TIGD5: variants seen among roughly 807,000 people sequenced by gnomAD.
TIGD5 encodes tigger transposable element-derived protein 5.
Under a neutral mutation model 28.8 loss-of-function variants are expected in TIGD5, and 24 were observed. The ratio of observed to expected loss-of-function variants is 0.83; its 90% CI spans 0.60 to 1.17. The LOEUF is 1.17. Among genes scored for constraint, TIGD5 ranks in the 50% most tolerant of loss-of-function variants. TIGD5 has a pLI of 0.00. For synonymous variants in TIGD5, 538 were observed against 430.5 expected, an observed-to-expected ratio of 1.25 and a Z score of -3.09; for missense variants, 922 against 911.4, an observed-to-expected ratio of 1.01 and a Z score of -0.15.
Position 143,598,820 on chromosome 8 carries a change from A to T in TIGD5, c.917A>T (p.His306Leu). The T allele has an allele frequency of 3.1e-6, 5 of 1,601,064 alleles. No individual in the cohort carries two copies. Among genetic ancestry groups the T allele is most frequent in the Non-Finnish European group, 4.2e-6 (5 of 1,179,546 alleles). ...CCGGACCCGCCCAGCCTGCGCCACC[A>T]CAACCAGGACAAGTTCCCGGCCTCC... ...RLPDPPSLRH[H>L]NQDKFPASYR... The change falls in exon 1 of 1, where the codon CAC (histidine) becomes CTC (leucine). Residue 306 changes from histidine (H) to leucine (L), a missense_variant. By Grantham distance (99) the His-to-Leu change is moderately conservative. This residue lies in a region of TIGD5 where 821 missense variants were observed against 815.2 expected (regional missense o/e 1.01). Transcript: ENST00000504548. The surrounding 1 kb of genome is among the most constrained non-coding windows in gnomAD (Gnocchi z 6.6).
rs748737260 is a variant in TIGD5, at chr8:143,598,394, C to T, written c.491C>T (p.Thr164Ile). ...CGCCAGATCTACGGGCCCGAGTGCA[C>T]CTTCAAGGCCAGCCACGGCTGGTTC... The part of the protein sequence containing the change: ...FARQIYGPEC[T>I]FKASHGWFWR... The change falls in exon 1 of 1, where the codon ACC (threonine) becomes ATC (isoleucine). Residue 164 changes from threonine (T) to isoleucine (I), a missense_variant. Physicochemically the swap from Thr to Ile is moderately conservative, Grantham distance 89. Coordinates refer to ENST00000504548, the MANE Select transcript of TIGD5 (RefSeq NM_032862.5). The surrounding 1 kb of genome is among the most constrained non-coding windows in gnomAD (Gnocchi z 6.6). 2.6e-6 allele frequency: 4 copies of T among 1,542,622 alleles called. No individual in the cohort carries two copies. The South Asian group carries it at 4.7e-5, about 18-fold the overall frequency.
chr8:143,602,064 CCAGTCTGCGCGA>C lies in TIGD5; in HGVS notation c.*2236_*2247del, dbSNP rs1011246245. ...TGAGCCAAGATCACAACACCGCGCT[CCAGTCTGCGCGA>C]CAGAGCGAGACTCTGTCTCAAAAAA... On this transcript the variant is annotated 3_prime_UTR_variant, in exon 1 of 1. Coordinates refer to ENST00000504548, the MANE Select transcript of TIGD5 (RefSeq NM_032862.5). The C allele has an allele frequency of 1.2e-4, 18 of 144,024 alleles. No individual in the cohort carries two copies. Among genetic ancestry groups the C allele is most frequent in the African/African-American group, 4.1e-4 (16 of 39,238 alleles). 8.9% of individuals were successfully genotyped at this position (144,024 alleles called of 1,614,324 possible). A position where few individuals can be genotyped will look rare whatever the true frequency, so the allele number is the denominator to read the frequency against.
At position 143,599,130 on chromosome 8, in the gene TIGD5, C is replaced by A; in HGVS notation, c.1227C>A (p.Ser409Arg). 2 of 1,593,448 alleles carry A rather than the reference C, an allele frequency of 1.3e-6. No homozygotes were observed. The highest frequency in any genetic ancestry group is 1.7e-6 in the Non-Finnish European group (2 of 1,171,138). The change falls in exon 1 of 1, where the codon AGC becomes AGA. Residue 409 changes from serine (S) to arginine (R), a missense_variant. Ser to Arg is a moderately radical substitution (Grantham distance 110). This residue lies in a region of TIGD5 where 821 missense variants were observed against 815.2 expected (regional missense o/e 1.01). Transcript: ENST00000504548. ...VRVLFLSKGS[S>R]RAHIPAPLEQ... ...TGCTGTTCCTGTCCAAAGGCAGCAG[C>A]CGGGCACATATCCCCGCACCGCTGG...
At position 143,599,784 on chromosome 8, in the gene TIGD5, G is replaced by A; in HGVS notation, c.1881G>A (p.Arg627=). 1 of 1,485,678 alleles carries A rather than the reference G, an allele frequency of 6.7e-7. No individual in the cohort carries two copies. The highest frequency in any genetic ancestry group is 8.9e-7 in the Non-Finnish European group (1 of 1,126,762). 92.0% of individuals were successfully genotyped at this position (1,485,678 alleles called of 1,614,324 possible). The change falls in exon 1 of 1, where the codon AGG becomes AGA. Residue 627 remains arginine, a synonymous_variant. Coordinates refer to ENST00000504548, the MANE Select transcript of TIGD5 (RefSeq NM_032862.5). ...GCTCACTCATCAGCATGGCCCGGAG[G>A]CTGGGGGGCATCGGGCATACCCCAG... is the stretch of plus-strand genomic sequence containing the variant. ...QLRSLISMAR[R]LGGIGHTPAG... is the part of the protein sequence containing the mutation.
chr8:143,598,777 C>T lies in TIGD5; in HGVS notation c.874C>T (p.Leu292=), dbSNP rs1369135032. 6.3e-7 allele frequency: 1 copy of T among 1,596,300 alleles called. No homozygotes were observed. The highest frequency in any genetic ancestry group is 8.5e-7 in the Non-Finnish European group (1 of 1,177,870). ...GACCGGCAGCCACAAGCTGAAGCCG[C>T]TGGTCATCGGGCGGCTGCCGGACCC... is the stretch of plus-strand genomic sequence containing the variant. The part of the protein sequence containing the change: ...NLTGSHKLKP[L]VIGRLPDPPS... The change falls in exon 1 of 1, where the codon CTG becomes TTG. Residue 292 remains leucine, a synonymous_variant. Transcript: ENST00000504548. This position sits in a 1 kb window ranked among gnomAD's most constrained non-coding sequence, Gnocchi z 6.6.
Position 143,603,114 on chromosome 8 carries a change from T to C in TIGD5, c.*3282T>C, listed in dbSNP as rs1829295803. On this transcript the variant is annotated 3_prime_UTR_variant, in exon 1 of 1. Transcript: ENST00000504548. ...TCCCTAGGCTTGTGGGGTCATGCTC[T>C]GTTGAGGGCCCTTCCTCTAACTGGC... 6.6e-6 allele frequency: 1 copy of C among 152,230 alleles called. No individual in the cohort carries two copies. Among genetic ancestry groups the C allele is most frequent in the Non-Finnish European group, 1.5e-5 (1 of 68,050 alleles). The allele number at this position is 152,230 out of a possible 1,614,324, so 9.4% of individuals were successfully genotyped here.
rs1829198669 is a variant in TIGD5, at chr8:143,599,162, G to A, written c.1259G>A (p.Gly420Asp). The change falls in exon 1 of 1, where the codon GGC (glycine) becomes GAC (aspartate). Residue 420 changes from glycine (G) to aspartate (D), a missense_variant. By Grantham distance (94) the Gly-to-Asp change is moderately conservative. Coordinates refer to ENST00000504548, the MANE Select transcript of TIGD5 (RefSeq NM_032862.5). ...CATATCCCCGCACCGCTGGAGCAGG[G>A]CGTGGTGGCCGCCTTCAAACAGCTG... ...RAHIPAPLEQ[G>D]VVAAFKQLYK... 1 of 1,607,188 alleles carries A rather than the reference G, an allele frequency of 6.2e-7. No individual in the cohort carries two copies. Among genetic ancestry groups the A allele is most frequent in the Admixed American group, 1.7e-5 (1 of 59,558 alleles).
In TIGD5 at chr8:143,598,934, T is replaced by C; in HGVS notation, c.1031T>C (p.Leu344Pro). Residue 344 changes from leucine (L) to proline (P), a missense_variant, in exon 1 of 1, where the codon CTG (leucine) becomes CCG (proline). Physicochemically the swap from Leu to Pro is moderately conservative, Grantham distance 98 (BLOSUM62 -3). Coordinates refer to ENST00000504548, the MANE Select transcript of TIGD5 (RefSeq NM_032862.5). This position sits in a 1 kb window ranked among gnomAD's most constrained non-coding sequence, Gnocchi z 6.6. ...TTTGTCCCAGGCGTCAAACGCTACCTGCGCCGAAGCTGCCTGCAGCAGAAG... is the reference window on the plus strand; with the variant it reads ...TTTGTCCCAGGCGTCAAACGCTACCCGCGCCGAAGCTGCCTGCAGCAGAAG... ...EEFVPGVKRY[L>P]RRSCLQQKAV... The C allele has an allele frequency of 1.9e-6, 3 of 1,591,002 alleles. No individual in the cohort carries two copies. Among genetic ancestry groups the C allele is most frequent in the Non-Finnish European group, 2.5e-6 (3 of 1,176,526 alleles).
chr8:143,599,141 T>A lies in TIGD5; in HGVS notation c.1238T>A (p.Ile413Asn), dbSNP rs190137740. Residue 413 changes from isoleucine (I) to asparagine (N), a missense_variant, in exon 1 of 1, where the codon ATC (isoleucine) becomes AAC (asparagine). Ile to Asn is a moderately radical substitution (Grantham distance 149, BLOSUM62 -3). This residue lies in a region of TIGD5 where 821 missense variants were observed against 815.2 expected (regional missense o/e 1.01). Coordinates refer to ENST00000504548, the MANE Select transcript of TIGD5 (RefSeq NM_032862.5). Reference sequence around the variant, plus strand: ...TCCAAAGGCAGCAGCCGGGCACATATCCCCGCACCGCTGGAGCAGGGCGTG... The same window carrying A: ...TCCAAAGGCAGCAGCCGGGCACATAACCCCGCACCGCTGGAGCAGGGCGTG... ...FLSKGSSRAH[I>N]PAPLEQGVVA... is the part of the protein sequence containing the mutation. 21 of 1,598,910 alleles carry A rather than the reference T, an allele frequency of 1.3e-5. No homozygotes were observed. Among genetic ancestry groups the A allele is most frequent in the African/African-American group, 2.7e-5 (2 of 74,788 alleles).
In TIGD5 at chr8:143,598,154, C is replaced by A. The variant is rs745942263; in HGVS notation, c.251C>A (p.Pro84Gln). ...AGTGTGTGCCGCGACTTCGGCGTGC[C>A]GGGCGGGACGCTGCGCGGCTGGCTC... is the stretch of plus-strand genomic sequence containing the variant. ...QASVCRDFGV[P>Q]GGTLRGWLKD... Residue 84 changes from proline (P) to glutamine (Q), a missense_variant, in exon 1 of 1, where the codon CCG (proline) becomes CAG (glutamine). Pro to Gln is a moderately conservative substitution (Grantham distance 76). This residue lies in a region of TIGD5 where 821 missense variants were observed against 815.2 expected (regional missense o/e 1.01). Coordinates refer to ENST00000504548, the MANE Select transcript of TIGD5 (RefSeq NM_032862.5). This position sits in a 1 kb window ranked among gnomAD's most constrained non-coding sequence, Gnocchi z 6.6. 1.3e-6 allele frequency: 2 copies of A among 1,593,960 alleles called. No homozygotes were observed. The highest frequency in any genetic ancestry group is 1.7e-6 in the Non-Finnish European group (2 of 1,171,688).
At position 143,600,620 on chromosome 8, in the gene TIGD5, T is replaced by C. The variant is rs976723416; in HGVS notation, c.*788T>C. 1.3e-5 allele frequency: 2 copies of C among 152,166 alleles called. No individual in the cohort carries two copies. Among genetic ancestry groups the C allele is most frequent in the Admixed American group, 1.3e-4 (2 of 15,282 alleles). The allele number at this position is 152,166 out of a possible 1,614,324, so 9.4% of individuals were successfully genotyped here. A position where few individuals can be genotyped will look rare whatever the true frequency, so the allele number is the denominator to read the frequency against. ...CTGCTTCCTCATCAGCCACAGACCA[T>C]TCTGTCCAGTCCCAGGGCCTGGAGC... On this transcript the variant is annotated 3_prime_UTR_variant, in exon 1 of 1. Transcript: ENST00000504548.
At position 143,597,858 on chromosome 8, in the gene TIGD5, T is replaced by C; in HGVS notation, c.-46T>C. The C allele has an allele frequency of 1.8e-6, 1 of 540,550 alleles. No individual in the cohort carries two copies. The highest frequency in any genetic ancestry group is 2.3e-6 in the Non-Finnish European group (1 of 431,342). The allele number at this position is 540,550 out of a possible 1,614,324, so 33.5% of individuals were successfully genotyped here. On this transcript the variant is annotated 5_prime_UTR_variant, in exon 1 of 1. Coordinates refer to ENST00000504548, the MANE Select transcript of TIGD5 (RefSeq NM_032862.5). The stretch of plus-strand genomic sequence containing the variant: ...GTGCCCCGCCCCGAGCGGCTGGGCG[T>C]GTGGCTCCCGCGACCCGCGCGGCCC...
chr8:143,599,223 C>T lies in TIGD5; in HGVS notation c.1320C>T (p.Cys440=). The T allele has an allele frequency of 6.2e-7, 1 of 1,611,560 alleles. No homozygotes were observed. Among genetic ancestry groups the T allele is most frequent in the Non-Finnish European group, 8.5e-7 (1 of 1,179,688 alleles). The change falls in exon 1 of 1, where the codon TGC becomes TGT. Residue 440 remains cysteine (C), a synonymous_variant. Coordinates refer to ENST00000504548, the MANE Select transcript of TIGD5 (RefSeq NM_032862.5). Reference sequence around the variant, plus strand: ...AGCTGCTGCGACTGGCTGTGTCCTGCGCCAGCGGCTCCCCGCTGGACTTCA... The same window carrying T: ...AGCTGCTGCGACTGGCTGTGTCCTGTGCCAGCGGCTCCCCGCTGGACTTCA... ...KRELLRLAVS[C]ASGSPLDFMR...
Position 143,599,251 on chromosome 8 carries a change from C to A in TIGD5, c.1348C>A (p.Arg450Ser). The change falls in exon 1 of 1, where the codon CGC (arginine) becomes AGC (serine). Residue 450 changes from arginine to serine, a missense_variant. Coordinates refer to ENST00000504548, the MANE Select transcript of TIGD5 (RefSeq NM_032862.5). Reference sequence around the variant, plus strand: ...CAGCGGCTCCCCGCTGGACTTCATGCGCAGCTTCATGCTCAAGGACATGCT... The same window carrying A: ...CAGCGGCTCCCCGCTGGACTTCATGAGCAGCTTCATGCTCAAGGACATGCT... ...CASGSPLDFM[R>S]SFMLKDMLYL... 6.2e-7 allele frequency: 1 copy of A among 1,611,548 alleles called. No homozygotes were observed. The highest frequency in any genetic ancestry group is 8.5e-7 in the Non-Finnish European group (1 of 1,179,600).
Position 143,598,489 on chromosome 8 carries a change from A to AGCCCCGC in TIGD5, c.591_597dup (p.Gly200ArgfsTer137). ...CGGCGAGGCCGGGCCCCCAGCCCCG[A>AGCCCCGC]GCCCCGCGCCCGGCCCGCCCGTCAA... On this transcript the variant is annotated frameshift_variant, in exon 1 of 1. Coordinates refer to ENST00000504548, the MANE Select transcript of TIGD5 (RefSeq NM_032862.5). LOFTEE classifies it high-confidence loss of function. The surrounding 1 kb of genome is among the most constrained non-coding windows in gnomAD (Gnocchi z 6.6). 9.4e-6 allele frequency: 13 copies of AGCCCCGC among 1,383,994 alleles called. No individual in the cohort carries two copies. The highest frequency in any genetic ancestry group is 1.1e-5 in the Non-Finnish European group (12 of 1,074,828). The allele number at this position is 1,383,994 out of a possible 1,614,324, so 85.7% of individuals were successfully genotyped here.
rs767740384 is a variant in TIGD5 at position 143,601,214 on chromosome 8, AATATATAC to A, written c.*1390_*1397del. 3.3e-5 allele frequency: 5 copies of A among 152,294 alleles called. 1 individual carries two copies. The South Asian group carries it at 1.0e-3, about 32-fold the overall frequency. The allele number at this position is 152,294 out of a possible 1,614,324, so 9.4% of individuals were successfully genotyped here. A position where few individuals can be genotyped will look rare whatever the true frequency, so the allele number is the denominator to read the frequency against. Reference sequence around the variant, plus strand: ...CCTTGGAACTGCCCGCAAGTGAAGAAATATATACATATATATGTATATATCTATATCTC... The same window carrying A: ...CCTTGGAACTGCCCGCAAGTGAAGAAATATATATGTATATATCTATATCTC... On this transcript the variant is annotated 3_prime_UTR_variant, in exon 1 of 1. Coordinates refer to ENST00000504548, the MANE Select transcript of TIGD5 (RefSeq NM_032862.5).
In TIGD5 at chr8:143,599,142, C is replaced by G. The variant is rs1829196930; in HGVS notation, c.1239C>G (p.Ile413Met). ...CCAAAGGCAGCAGCCGGGCACATATCCCCGCACCGCTGGAGCAGGGCGTGG... is the reference window on the plus strand; with the variant it reads ...CCAAAGGCAGCAGCCGGGCACATATGCCCGCACCGCTGGAGCAGGGCGTGG... Reference protein sequence around the residue: ...FLSKGSSRAHIPAPLEQGVVA... With the variant: ...FLSKGSSRAHMPAPLEQGVVA... The change falls in exon 1 of 1, where the codon ATC (isoleucine) becomes ATG (methionine). Residue 413 changes from isoleucine to methionine, a missense_variant. Physicochemically the swap from Ile to Met is conservative, Grantham distance 10. This residue lies in a region of TIGD5 where 821 missense variants were observed against 815.2 expected (regional missense o/e 1.01). Transcript: ENST00000504548. 1 of 1,599,074 alleles carries G rather than the reference C, an allele frequency of 6.3e-7. No homozygotes were observed. Among genetic ancestry groups the G allele is most frequent in the Non-Finnish European group, 8.5e-7 (1 of 1,173,896 alleles).
In TIGD5 at chr8:143,599,480, C is replaced by T. The variant is rs530101458; in HGVS notation, c.1577C>T (p.Pro526Leu). The T allele has an allele frequency of 1.3e-6, 2 of 1,592,124 alleles. No individual in the cohort carries two copies. The highest frequency in any genetic ancestry group is 2.3e-5 in the East Asian group (1 of 43,804). ...LAALAYKCLAPEEVAEWLHLD... is the reference protein window; with the variant it reads ...LAALAYKCLALEEVAEWLHLD... ...GCTCTGGCCTACAAGTGCCTGGCTC[C>T]GGAGGAGGTTGCGGAGTGGCTGCAC... The change falls in exon 1 of 1, where the codon CCG becomes CTG. Residue 526 changes from proline (P) to leucine (L), a missense_variant. Coordinates refer to ENST00000504548, the MANE Select transcript of TIGD5 (RefSeq NM_032862.5).
rs761287413 is a variant in TIGD5, at chr8:143,599,175, C to T, written c.1272C>T (p.Ala424=). 5 of 1,609,846 alleles carry T rather than the reference C, an allele frequency of 3.1e-6. No individual in the cohort carries two copies. Among genetic ancestry groups the T allele is most frequent in the Non-Finnish European group, 3.4e-6 (4 of 1,179,102 alleles). Residue 424 remains alanine, a synonymous_variant, in exon 1 of 1, where the codon GCC becomes GCT. Transcript: ENST00000504548. The part of the protein sequence containing the change: ...PAPLEQGVVA[A]FKQLYKRELL... ...CGCTGGAGCAGGGCGTGGTGGCCGC[C>T]TTCAAACAGCTGTACAAGCGCGAGC...
Sources: allele counts gnomAD v4.1 joint callset, GRCh38; gene constraint gnomAD v4.1.1; regional missense constraint gnomAD v4.1.1; non-coding constraint Gnocchi (gnomAD v3.1); transcripts MANE v1.5; gene names NCBI Gene and HGNC (gene_info 2026-07-23, HGNC 2026-07-21).